Variants in EMSY observed in about 807,000 individuals in gnomAD.
EMSY encodes the protein BRCA2-interacting transcriptional repressor EMSY.
EMSY carries 26 observed loss-of-function variants against 134.6 expected under a neutral mutation model. That is an observed-to-expected ratio of 0.19 (90% CI 0.14 to 0.27). The LOEUF (loss-of-function observed/expected upper bound fraction) is 0.27, where lower values mean the gene tolerates loss of function less well. EMSY is among the 10% of genes least tolerant of loss of function. The probability of loss-of-function intolerance (pLI) is 1.00; values close to 1 mark genes in which losing one functional copy is unlikely to be tolerated. For missense variants in EMSY, 1,305 were observed against 1,611.4 expected, an observed-to-expected ratio of 0.81 and a Z score of 3.26; for synonymous variants, 579 against 577.8, an observed-to-expected ratio of 1.00 and a Z score of -0.03.
intron 6 of EMSY, chr11:76,460,455 TTAGATTA>T: frequency 6.2e-6 from 1 of 161,284 alleles, no homozygotes; most frequent in African/African-American, 2.4e-5. Context: ...TAGTATTTTC[TTAGATTA>T]TTTTATATAA....
chr11:76,503,786 A>T (rs1949969064), intron 9 of EMSY, among the ~76,000 whole-genome samples: 1 of 152,046 alleles, frequency 6.6e-6, no homozygotes, highest in African/African-American at 2.4e-5. Context: ...TATTCAATTT[A>T]ATTTATTTAT....
At chr11:76,511,127 T>G (rs1300786207) in intron 9 of EMSY, among the ~76,000 whole-genome samples, 2 of 152,192 alleles carry the variant, frequency 1.3e-5, no homozygotes, top group Non-Finnish European at 2.9e-5. Context: ...TACTTTCTTT[T>G]TAAGAGACTG....
chr11:76,526,024 A>C (rs1197713453), intron 12 of EMSY, among the ~76,000 whole-genome samples: 1 of 152,160 alleles, frequency 6.6e-6, no homozygotes, highest in African/African-American at 2.4e-5. Context: ...TTGCACAGTA[A>C]TTTTCTAATT....
exon 18 of EMSY, chr11:76,542,326 C>T (rs2136691122): frequency 2.5e-6 from 4 of 1,614,100 alleles, no homozygotes; most frequent in Non-Finnish European, 2.5e-6. Flanking sequence ...GAAGTCCATC[C>T]CAGCATCTTC....
chr11:76,503,321 A>AAAG (rs1353782862), intron 9 of EMSY, among the ~76,000 whole-genome samples: 5 of 148,558 alleles, frequency 3.4e-5, no homozygotes, highest in Admixed American at 6.7e-5. Flanking sequence ...AAAAAAAAAA[A>AAAG]AAGAAGAAGA....
At chr11:76,491,644 C>T (rs547624351) in intron 8 of EMSY, among the ~76,000 whole-genome samples, 8 of 152,358 alleles carry the variant, frequency 5.3e-5, no homozygotes, top group African/African-American at 1.7e-4. Context: ...CCTACGGATA[C>T]CCTGCTGAAG....
intron 9 of EMSY, among the ~76,000 whole-genome samples, chr11:76,500,875 C>G (rs1333934088): frequency 6.6e-6 from 1 of 152,196 alleles, no homozygotes; most frequent in Admixed American, 6.5e-5. Flanking sequence ...ATAACAATAA[C>G]AAATCCCTGG....
chr11:76,475,088 A>G (rs1948725083), intron 8 of EMSY, among the ~76,000 whole-genome samples: 1 of 152,220 alleles, frequency 6.6e-6, no homozygotes, highest in African/African-American at 2.4e-5. Flanking sequence ...ATTTTTATAC[A>G]GAAAATTTGT....
chr11:76,506,914 A>T (rs1049523686), intron 9 of EMSY, among the ~76,000 whole-genome samples: 5 of 152,172 alleles, frequency 3.3e-5, no homozygotes, highest in Admixed American at 1.3e-4. Context: ...TTTGAATTTT[A>T]AAAAAAGAAA....
chr11:76,528,519 A>G, intron 14 of EMSY, 53 bp downstream of exon 15: 1 of 1,362,998 alleles, frequency 7.3e-7, no homozygotes, highest in Admixed American at 2.1e-5. Flanking sequence ...ATAGTGCCCA[A>G]ATTCTAAAAT....
chr11:76,511,235 T>C (rs1950265592), intron 9 of EMSY, among the ~76,000 whole-genome samples: 1 of 152,224 alleles, frequency 6.6e-6, no homozygotes. Flanking sequence ...ATTTACATTT[T>C]TTCTCTTTTC....
At chr11:76,472,535 A>G (rs772116524) in intron 7 of EMSY, 29 bp from the exon 9 acceptor site, 4 of 1,594,144 alleles carry the variant, frequency 2.5e-6, no homozygotes, top group Non-Finnish European at 3.4e-6. Context: ...TAGTAGGTAC[A>G]TAAAAATAAC....
intron 8 of EMSY, among the ~76,000 whole-genome samples, chr11:76,476,658 T>C (rs1489344547): frequency 6.6e-6 from 1 of 152,218 alleles, no homozygotes; most frequent in Middle Eastern, 3.2e-3. Context: ...TTAGTTGGTT[T>C]CTAAATTCTT....
intron 7 of EMSY, among the ~76,000 whole-genome samples, chr11:76,468,393 C>T (rs1349277903): frequency 6.6e-6 from 1 of 152,190 alleles, no homozygotes; most frequent in African/African-American, 2.4e-5. Flanking sequence ...TATTGAGCAC[C>T]TACTATGTTC....
At chr11:76,457,644 CTT>C (rs1565275039) in intron 4 of EMSY, among the ~76,000 whole-genome samples, 2 of 152,142 alleles carry the variant, frequency 1.3e-5, no homozygotes, top group Non-Finnish European at 2.9e-5. Context: ...ATACAGCACT[CTT>C]CTGTTCTTTT....
intron 8 of EMSY, among the ~76,000 whole-genome samples, chr11:76,491,868 G>T (rs534945202): frequency 6.6e-6 from 1 of 152,306 alleles, no homozygotes; most frequent in South Asian, 2.1e-4. Context: ...TGTCCATCCT[G>T]CTTTATACCA....
At chr11:76,493,287 C>T (rs1239623971) in intron 8 of EMSY, among the ~76,000 whole-genome samples, 1 of 152,190 alleles carries the variant, frequency 6.6e-6, no homozygotes, top group Non-Finnish European at 1.5e-5. Flanking sequence ...GGAAGGAGGC[C>T]AAAGGGGGTC....
At chr11:76,475,572 A>G (rs1220871512) in intron 8 of EMSY, among the ~76,000 whole-genome samples, 1 of 152,364 alleles carries the variant, frequency 6.6e-6, no homozygotes, top group East Asian at 1.9e-4. Context: ...TAGAGAATGA[A>G]GGATGTAAAA....
At chr11:76,458,398 T>A in intron 5 of EMSY, 40 bp downstream of exon 6, 1 of 1,492,378 alleles carries the variant, frequency 6.7e-7, no homozygotes, top group Non-Finnish European at 9.0e-7. Context: ...ATTACTTTTC[T>A]TAGAATCTTC....
Sources: gnomAD v4.1 joint callset for allele counts (sites outside exome capture counted in the v4.1 genomes callset) on GRCh38, gnomAD v4.1.1 for gene constraint, MANE v1.5 for transcripts, NCBI Gene and HGNC (gene_info 2026-07-23, HGNC 2026-07-21) for gene names.